GLIS3: variants seen among roughly 807,000 people sequenced by gnomAD.
GLIS3 encodes the protein GLIS family zinc finger 3, also known as zinc finger protein GLIS3.
A neutral mutation model predicts 78.6 loss-of-function variants in GLIS3; 53 were observed. The observed-to-expected ratio is 0.67, with a 90% CI of 0.54 to 0.85. GLIS3 has a LOEUF of 0.85. Ranked by LOEUF, GLIS3 falls within the 40% of genes least tolerant of loss-of-function variation. GLIS3 has a pLI of 0.00. For synonymous variants in GLIS3, 684 were observed against 509.9 expected, an observed-to-expected ratio of 1.34 and a Z score of -4.60; for missense variants, 1,703 against 1,231.1, an observed-to-expected ratio of 1.38 and a Z score of -5.74.
At chr9:4,447,153 T>C in the GLIS3 span, among the ~76,000 whole-genome samples, 19 of 152,024 alleles carry the variant, frequency 1.2e-4, no homozygotes, top group Admixed American at 1.2e-3. Flanking sequence ...GCTCAAATGA[T>C]TCTCCCACCT....
the GLIS3 span, among the ~76,000 whole-genome samples, chr9:4,372,537 G>A: frequency 6.0e-5 from 8 of 133,074 alleles, no homozygotes; most frequent in African/African-American, 2.3e-4. Flanking sequence ...ATACTCCTCT[G>A]CACAGTGACC....
rs1421994640 is a variant in GLIS3 at position 4,118,231 on chromosome 9, C to G, written c.1247G>C (p.Gly416Ala). Residue 416 changes from glycine (G) to alanine (A), a missense_variant, in exon 4 of 11, where the codon GGC (glycine) becomes GCC (alanine). Transcript: ENST00000381971. The surrounding 1 kb of genome is among the most constrained non-coding windows in gnomAD (Gnocchi z 4.7). ...GLVNHMVVQH[G>A]LPGPDSQSAG... ...CGACTGGCTGTCGGGGCCCGGCAGG[C>G]CATGCTGCACCACCATGTGGTTGAC... 4 of 1,587,776 alleles carry G rather than the reference C, an allele frequency of 2.5e-6. No individual in the cohort carries two copies. Among genetic ancestry groups the G allele is most frequent in the Non-Finnish European group, 3.4e-6 (4 of 1,167,332 alleles).
At position 4,045,399 on chromosome 9, in the gene GLIS3, G is replaced by A. The variant is rs545517308; in HGVS notation, c.1710+72369C>T. Among the ~76,000 whole-genome samples the A allele has an allele frequency of 1.9e-4, 29 of 152,022 alleles. 1 individual carries two copies. Among genetic ancestry groups the A allele is most frequent in the African/African-American group, 3.4e-4 (14 of 41,462 alleles). ...CACCCAGGCTGGAGTGCAGTGGTGC[G>A]ATCTCGGCTCACTGCATCCTCCACC... On this transcript the variant is annotated intron_variant, in intron 4 of 10. Coordinates refer to ENST00000381971, the MANE Select transcript of GLIS3 (RefSeq NM_001042413.2).
At chr9:3,839,547 C>G (rs991353619) in intron 9 of GLIS3, among the ~76,000 whole-genome samples, 4 of 151,332 alleles carry the variant, frequency 2.6e-5, no homozygotes, top group Non-Finnish European at 5.9e-5. Context: ...ATTAAAACAA[C>G]TTTTTGGTTA....
intron 6 of GLIS3, among the ~76,000 whole-genome samples, chr9:3,913,758 A>G (rs1279775034): frequency 6.6e-6 from 1 of 152,204 alleles, no homozygotes; most frequent in African/African-American, 2.4e-5. Flanking sequence ...ACATTTTGTA[A>G]TAGCTATTTA....
intron 5 of GLIS3, among the ~76,000 whole-genome samples, chr9:3,934,495 C>T (rs903494668): frequency 2.4e-4 from 36 of 151,834 alleles, no homozygotes; most frequent in African/African-American, 7.7e-4. Flanking sequence ...CTGCAACCTC[C>T]GCCTCCCGAG....
intron 2 of GLIS3, among the ~76,000 whole-genome samples, chr9:4,200,122 C>T (rs1050413390): frequency 1.3e-5 from 2 of 152,068 alleles, no homozygotes; most frequent in Admixed American, 6.6e-5. Flanking sequence ...AACAGAGATA[C>T]AGCATACCAA....
chr9:3,994,325 G>C (rs1355975701), intron 4 of GLIS3, among the ~76,000 whole-genome samples: 1 of 152,176 alleles, frequency 6.6e-6, no homozygotes, highest in Non-Finnish European at 1.5e-5. Context: ...CCTGGAACGG[G>C]CACAGCTGCC....
Position 3,827,600 on chromosome 9 carries a change from C to G in GLIS3, c.*672G>C, listed in dbSNP as rs1480411549. On this transcript the variant is annotated 3_prime_UTR_variant, in exon 11 of 11. Transcript: ENST00000381971. ...TAATGATTTCCATCCAAAGCACAGA[C>G]CTTTACATTTTTTTTTCATTTTAAA... The G allele has an allele frequency of 9.7e-6, 1 of 103,590 alleles. No individual in the cohort carries two copies. The highest frequency in any genetic ancestry group is 2.0e-5 in the Non-Finnish European group (1 of 49,640). The allele number at this position is 103,590 out of a possible 1,614,324, so 6.4% of individuals were successfully genotyped here.
Position 4,070,525 on chromosome 9 carries a change from C to T in GLIS3, c.1710+47243G>A, listed in dbSNP as rs1020489828. Among the ~76,000 whole-genome samples the T allele has an allele frequency of 3.3e-5, 5 of 151,206 alleles. No homozygotes were observed. The East Asian group carries it at 7.8e-4, about 23-fold the overall frequency. ...AAGTATTTGTGTGTGTGTGCGTGTG[C>T]GTAAGTATTTGTGTGTGTGTGAGAG... On this transcript the variant is annotated intron_variant, in intron 4 of 10. Transcript: ENST00000381971.
At chr9:3,847,314 A>G (rs936438081) in intron 9 of GLIS3, among the ~76,000 whole-genome samples, 3 of 152,210 alleles carry the variant, frequency 2.0e-5, no homozygotes, top group African/African-American at 7.2e-5. Context: ...AATTTTGCCA[A>G]GGACTGGCTC....
chr9:4,309,251 A>G (rs1298755383), intron 3 of GLIS3, among the ~76,000 whole-genome samples: 1 of 152,236 alleles, frequency 6.6e-6, no homozygotes, highest in Non-Finnish European at 1.5e-5. Context: ...TAGGCACTCA[A>G]TAGTCTGTTA....
intron 4 of GLIS3, among the ~76,000 whole-genome samples, chr9:3,985,590 C>G (rs1819678843): frequency 6.6e-6 from 1 of 152,224 alleles, no homozygotes. Flanking sequence ...ATGTCATCTT[C>G]TACCACAGAT....
intron 4 of GLIS3, among the ~76,000 whole-genome samples, chr9:4,097,479 G>A (rs1411661339): frequency 6.6e-6 from 1 of 152,086 alleles, no homozygotes; most frequent in Non-Finnish European, 1.5e-5. Flanking sequence ...ACACCCTTCA[G>A]TGAGAAGGCA....
chr9:4,177,430 T>C (rs137967444), intron 2 of GLIS3, among the ~76,000 whole-genome samples: 1 of 152,188 alleles, frequency 6.6e-6, no homozygotes, highest in South Asian at 2.1e-4. Flanking sequence ...TTGGTTGACA[T>C]ACATGGTCAA....
chr9:3,895,107 C>T (rs913779931), intron 7 of GLIS3, among the ~76,000 whole-genome samples: 1 of 152,218 alleles, frequency 6.6e-6, no homozygotes, highest in Non-Finnish European at 1.5e-5. Flanking sequence ...AGGCACTGTT[C>T]CACACTGTCC....
chr9:3,990,962 A>G (rs1049430185), intron 4 of GLIS3, among the ~76,000 whole-genome samples: 13 of 152,176 alleles, frequency 8.5e-5, no homozygotes, highest in African/African-American at 3.1e-4. Flanking sequence ...GTCTAAGTGA[A>G]GCAGTTTTGT....
chr9:4,215,231 A>C (rs1820712159), intron 2 of GLIS3, among the ~76,000 whole-genome samples: 1 of 152,212 alleles, frequency 6.6e-6, no homozygotes, highest in Non-Finnish European at 1.5e-5. Flanking sequence ...CTCCCCTCTG[A>C]AAGTCTCCAA....
chr9:4,132,648 T>C (rs527612144), intron 2 of GLIS3, among the ~76,000 whole-genome samples: 1 of 151,986 alleles, frequency 6.6e-6, no homozygotes, highest in East Asian at 1.9e-4. Flanking sequence ...CAGTCCCCCA[T>C]GGAGCCCACA....
Sources: gnomAD v4.1 joint callset for allele counts (sites outside exome capture counted in the v4.1 genomes callset) on GRCh38, gnomAD v4.1.1 for gene constraint, Gnocchi (gnomAD v3.1) non-coding constraint, MANE v1.5 for transcripts, NCBI Gene and HGNC (gene_info 2026-07-23, HGNC 2026-07-21) for gene names.